ABCC9: variants seen among roughly 807,000 people sequenced by gnomAD.
ABCC9 encodes ATP-binding cassette sub-family C member 9.
ABCC9 carries 95 observed loss-of-function variants against 188.3 expected under a neutral mutation model. The ratio of observed to expected loss-of-function variants is 0.50; its 90% CI spans 0.43 to 0.60. The LOEUF is 0.60. ABCC9 is among the 20% of genes least tolerant of loss of function. The pLI is 0.00. For missense variants in ABCC9, 1,102 were observed against 1,876.3 expected (o/e 0.59, Z 7.62); for synonymous variants, 659 against 652.7 (o/e 1.01, Z -0.15).
chr12:21,936,852 C>A (rs1020883875), intron 2 of ABCC9, among the ~76,000 whole-genome samples, 158 bp from the exon 3 acceptor site: 1 of 152,110 alleles, frequency 6.6e-6, no homozygotes, highest in Admixed American at 6.5e-5. Context: ...CAACTTGAAG[C>A]TTTCTTATAA....
At chr12:21,806,188 C>A in intron 38 of ABCC9, 128 bp from the exon 39 acceptor site, 1 of 835,966 alleles carries the variant, frequency 1.2e-6, no homozygotes, top group Non-Finnish European at 2.0e-6. Context: ...CTGTGGAAGT[C>A]ATAAGAAGGG....
At chr12:21,803,066 C>T (rs532590745) in intron 39 of ABCC9, among the ~76,000 whole-genome samples, 5 of 151,558 alleles carry the variant, frequency 3.3e-5, no homozygotes, top group South Asian at 2.1e-4. Flanking sequence ...ATGTCAAAGA[C>T]CACGATTACT....
intron 2 of ABCC9, among the ~76,000 whole-genome samples, chr12:21,940,421 G>A (rs1410431426): frequency 6.6e-6 from 1 of 152,188 alleles, no homozygotes; most frequent in Non-Finnish European, 1.5e-5. Context: ...CTTCTTTGAA[G>A]TTATTCAGTC....
chr12:21,895,159 TAGAGA>T, intron 13 of ABCC9, 111 bp downstream of exon 13: 2 of 872,970 alleles, frequency 2.3e-6, no homozygotes, highest in Non-Finnish European at 3.8e-6. Context: ...GAGACTGCCA[TAGAGA>T]GAAGTCACAG....
intron 39 of ABCC9, chr12:21,805,204 G>C (rs1348297638): frequency 6.2e-7 from 1 of 1,614,048 alleles, no homozygotes; most frequent in Non-Finnish European, 8.5e-7. Flanking sequence ...AAGTGGAAAA[G>C]AGGCCATTCT....
At chr12:21,906,812 TATC>T (rs1384504209) in intron 11 of ABCC9, among the ~76,000 whole-genome samples, 1 of 152,118 alleles carries the variant, frequency 6.6e-6, no homozygotes, top group Non-Finnish European at 1.5e-5. Context: ...CTAAGCCTAT[TATC>T]TTAGCTATCA....
chr12:21,831,827 T>A (rs1266762172), intron 30 of ABCC9, among the ~76,000 whole-genome samples: 1 of 152,070 alleles, frequency 6.6e-6, no homozygotes, highest in Non-Finnish European at 1.5e-5. Context: ...GATGGAGAGA[T>A]TGGAGATGAG....
chr12:21,819,419 C>G (rs1417840385), intron 31 of ABCC9, among the ~76,000 whole-genome samples: 1 of 152,160 alleles, frequency 6.6e-6, no homozygotes, highest in Non-Finnish European at 1.5e-5. Context: ...AATGACCTCA[C>G]ATGTGTACAT....
At chr12:21,834,622 G>GAT (rs1268453703) in intron 30 of ABCC9, among the ~76,000 whole-genome samples, 2 of 151,706 alleles carry the variant, frequency 1.3e-5, no homozygotes, top group Admixed American at 6.6e-5. Context: ...CTCCTATCTG[G>GAT]ATATATATAT....
rs1014733560 is a variant in ABCC9, at chr12:21,811,951, A to C, written c.4211+98T>G. On this transcript the variant is annotated intron_variant, in intron 36 of 39. Transcript: ENST00000261200. Reference sequence around the variant, plus strand: ...TATTTGATTTTATTGCCTTGATATCAGTTCACTCATACCTGAAAAATGACT... The same window carrying C: ...TATTTGATTTTATTGCCTTGATATCCGTTCACTCATACCTGAAAAATGACT... 5 of 831,042 alleles carry C rather than the reference A, an allele frequency of 6.0e-6. No individual in the cohort carries two copies. The Admixed American group carries it at 8.9e-5, about 15-fold the overall frequency. The allele number at this position is 831,042 out of a possible 1,614,324, so 51.5% of individuals were successfully genotyped here.
intron 10 of ABCC9, 78 bp downstream of exon 10, chr12:21,910,079 A>G: frequency 7.3e-7 from 1 of 1,363,380 alleles, no homozygotes; most frequent in Admixed American, 1.7e-5. Context: ...TACACCTTTT[A>G]CAGAGCTAAA....
intron 37 of ABCC9, among the ~76,000 whole-genome samples, chr12:21,807,700 C>T (rs1371780605): frequency 1.3e-5 from 2 of 152,224 alleles, no homozygotes; most frequent in Middle Eastern, 6.8e-3. Flanking sequence ...TGAATTACCT[C>T]TGATAGGAGG....
intron 39 of ABCC9, among the ~76,000 whole-genome samples, chr12:21,802,603 G>A (rs914724412): frequency 3.3e-5 from 5 of 152,058 alleles, no homozygotes; most frequent in Admixed American, 2.6e-4. Flanking sequence ...TACACTTATG[G>A]CACTTCTCAA....
At chr12:21,831,362 C>A (rs74914122) in intron 30 of ABCC9, among the ~76,000 whole-genome samples, 1 of 151,930 alleles carries the variant, frequency 6.6e-6, no homozygotes, top group African/African-American at 2.4e-5. Flanking sequence ...TCCATTCATT[C>A]GGGAGCATTT....
intron 16 of ABCC9, among the ~76,000 whole-genome samples, chr12:21,877,174 T>C (rs1946400510): frequency 6.6e-6 from 1 of 152,100 alleles, no homozygotes; most frequent in South Asian, 2.1e-4. Flanking sequence ...AAGCTTGCAA[T>C]CAGTTGAGTA....
At chr12:21,859,687 A>T in intron 21 of ABCC9, 21 bp from the exon 22 acceptor site, 1 of 1,601,468 alleles carries the variant, frequency 6.2e-7, no homozygotes, top group Non-Finnish European at 8.6e-7. Flanking sequence ...GACACCCCCA[A>T]ATACCCATTT....
At chr12:21,918,955 CAT>C (rs1298205194) in intron 5 of ABCC9, among the ~76,000 whole-genome samples, 2 of 152,130 alleles carry the variant, frequency 1.3e-5, no homozygotes, top group East Asian at 3.9e-4. Flanking sequence ...TAATAATCCA[CAT>C]GTTAAAGAAG....
At chr12:21,821,104 T>A (rs945018747) in intron 31 of ABCC9, among the ~76,000 whole-genome samples, 1 of 152,220 alleles carries the variant, frequency 6.6e-6, no homozygotes, top group African/African-American at 2.4e-5. Context: ...ATGAGCTGAC[T>A]ATTTTCCAAC....
rs751327015 is a variant in ABCC9 at position 21,926,080 on chromosome 12, G to A, written c.285-17C>T. The A allele has an allele frequency of 6.2e-6, 10 of 1,613,928 alleles. No individual in the cohort carries two copies. The highest frequency in any genetic ancestry group is 1.3e-5 in the African/African-American group (1 of 75,006). On this transcript the variant is annotated splice_polypyrimidine_tract_variant and intron_variant, in intron 4 of 39. Coordinates refer to ENST00000261200, the MANE Select transcript of ABCC9 (RefSeq NM_020297.4). Reference sequence around the variant, plus strand: ...TCCCGCCGCCTAGAAAGAGCAGTACGTCAACGCCTAAAGCTGATGGTTCCA... The same window carrying A: ...TCCCGCCGCCTAGAAAGAGCAGTACATCAACGCCTAAAGCTGATGGTTCCA...
Sources: allele counts gnomAD v4.1 joint callset (sites outside exome capture counted in the v4.1 genomes callset), GRCh38; gene constraint gnomAD v4.1.1; transcripts MANE v1.5; gene names NCBI Gene and HGNC (gene_info 2026-07-23, HGNC 2026-07-21).